The following SLC30A8 variants were observed in gnomAD, a reference collection of about 807,000 sequenced individuals.
The protein encoded by SLC30A8 is proton-coupled zinc antiporter SLC30A8.
In SLC30A8, 27 loss-of-function variants were observed where a neutral mutation model predicts 36.9. The ratio of observed to expected loss-of-function variants is 0.73; its 90% CI spans 0.54 to 1.01. The LOEUF is 1.01. Ranked by LOEUF, SLC30A8 falls within the 50% of genes least tolerant of loss-of-function variation. The probability of loss-of-function intolerance (pLI) is 0.00; values close to 1 mark genes in which losing one functional copy is unlikely to be tolerated. For synonymous variants in SLC30A8, 164 were observed against 172.4 expected (o/e 0.95, Z 0.38); for missense variants, 439 against 452.0 (o/e 0.97, Z 0.26).
At chr8:116,956,709 A>G (rs577211746) in intron 1 of SLC30A8, among the ~76,000 whole-genome samples, 1 of 152,350 alleles carries the variant, frequency 6.6e-6, no homozygotes, top group Admixed American at 6.5e-5. Context: ...TTTTAAATCA[A>G]TGAAATGCCA....
At chr8:117,099,151 GC>G (rs1367637837) in intron 2 of SLC30A8, among the ~76,000 whole-genome samples, 1 of 152,128 alleles carries the variant, frequency 6.6e-6, no homozygotes, top group Non-Finnish European at 1.5e-5. Flanking sequence ...GCTGTGGAAT[GC>G]CTACAGCCAA....
Position 117,172,751 on chromosome 8 carries a change from T to TAG in SLC30A8, c.*70_*71insAG. 1 of 1,551,416 alleles carries TAG rather than the reference T, an allele frequency of 6.4e-7. No homozygotes were observed. Among genetic ancestry groups the TAG allele is most frequent in the Non-Finnish European group, 8.8e-7 (1 of 1,134,434 alleles). ...AACATGCTGCTATGCAGTTTCTGCA[T>TAG]CATAGAAAATAAGGAACCAAAGGAA... On this transcript the variant is annotated 3_prime_UTR_variant, in exon 8 of 8. Transcript: ENST00000456015.
At chr8:116,995,757 G>T (rs1226955127) in intron 1 of SLC30A8, among the ~76,000 whole-genome samples, 1 of 152,074 alleles carries the variant, frequency 6.6e-6, no homozygotes, top group Non-Finnish European at 1.5e-5. Context: ...CCAGGCTGGT[G>T]GGAGCAGGGG....
chr8:117,150,629 G>A (rs1006581421), intron 2 of SLC30A8, among the ~76,000 whole-genome samples: 3 of 151,682 alleles, frequency 2.0e-5, no homozygotes, highest in Admixed American at 1.3e-4. Context: ...TTTTTGAGAC[G>A]GGGTCTCGTT....
intron 1 of SLC30A8, among the ~76,000 whole-genome samples, chr8:117,018,708 C>T (rs1816608392): frequency 7.2e-6 from 1 of 138,760 alleles, no homozygotes; most frequent in South Asian, 2.7e-4. Context: ...GTTCTGTTGC[C>T]CAGGCTGGAG....
Position 117,146,168 on chromosome 8 carries a change from A to C in SLC30A8, c.72-786A>C, listed in dbSNP as rs1821886769. 2.0e-5 allele frequency among the ~76,000 whole-genome samples: 3 copies of C among 152,210 alleles called. 1 individual carries two copies. Among genetic ancestry groups the C allele is most frequent in the Admixed American group, 2.0e-4 (3 of 15,276 alleles). On this transcript the variant is annotated intron_variant, in intron 1 of 7. Transcript: ENST00000456015. The stretch of plus-strand genomic sequence containing the variant: ...GAGAGAAATATTTAAGGTGATGGAC[A>C]TCTCAAGTTTACTGATTTGATCTTT...
chr8:117,032,676 G>A (rs993068888), intron 1 of SLC30A8, among the ~76,000 whole-genome samples: 45 of 152,280 alleles, frequency 3.0e-4, no homozygotes, highest in Admixed American at 1.3e-3. Context: ...GATAACCTGA[G>A]GTCAGGAGTT....
Position 117,039,486 on chromosome 8 carries a change from C to T in SLC30A8, c.-226+228C>T, listed in dbSNP as rs1032763610. ...TTTTTCTGCTACACATTCTATGCAG[C>T]TCAAATCCCATTCTACTCATGAATC... On this transcript the variant is annotated intron_variant, in intron 2 of 10. Transcript: ENST00000427715. 2.6e-5 allele frequency among the ~76,000 whole-genome samples: 4 copies of T among 152,314 alleles called. No homozygotes were observed. The East Asian group carries it at 7.7e-4, about 29-fold the overall frequency.
At chr8:116,973,697 T>A (rs571714916) in intron 1 of SLC30A8, among the ~76,000 whole-genome samples, 54 of 152,272 alleles carry the variant, frequency 3.5e-4, no homozygotes, top group African/African-American at 1.3e-3. Context: ...ACTTTAAAGT[T>A]CATATGGAAC....
intron 2 of SLC30A8, among the ~76,000 whole-genome samples, chr8:117,053,593 C>G (rs1023369690): frequency 9.8e-5 from 15 of 152,292 alleles, no homozygotes; most frequent in African/African-American, 3.6e-4. Flanking sequence ...ATTAGCCCCA[C>G]TGAAGAAATG....
chr8:117,148,689 C>G (rs1271624346), intron 2 of SLC30A8, among the ~76,000 whole-genome samples: 1 of 152,044 alleles, frequency 6.6e-6, no homozygotes, highest in Admixed American at 6.5e-5. Flanking sequence ...TCCGTTTATC[C>G]AAATATTCTA....
At chr8:117,132,573 T>G (rs1422571961), upstream of SLC30A8, among the ~76,000 whole-genome samples, 1 of 151,998 alleles carries the variant, frequency 6.6e-6, no homozygotes, top group Non-Finnish European at 1.5e-5. Context: ...AAAACCAATG[T>G]CTACAGGGGA....
At chr8:116,987,545 A>G (rs557653287) in intron 1 of SLC30A8, among the ~76,000 whole-genome samples, 1 of 152,114 alleles carries the variant, frequency 6.6e-6, no homozygotes, top group South Asian at 2.1e-4. Flanking sequence ...TTCTTCTTTC[A>G]AGTCTTGAAT....
At chr8:117,148,981 C>T (rs1042793387) in intron 2 of SLC30A8, among the ~76,000 whole-genome samples, 9 of 152,024 alleles carry the variant, frequency 5.9e-5, no homozygotes. Flanking sequence ...TTCCTCATCC[C>T]AGGACATCAC....
At chr8:117,031,707 G>A (rs776516737) in intron 1 of SLC30A8, among the ~76,000 whole-genome samples, 7 of 151,964 alleles carry the variant, frequency 4.6e-5, no homozygotes, top group Admixed American at 6.6e-5. Context: ...CAGGTGAGCC[G>A]CCCACCTCGG....
intron 1 of SLC30A8, among the ~76,000 whole-genome samples, chr8:116,969,279 G>A (rs1378336549): frequency 2.6e-5 from 4 of 152,072 alleles, no homozygotes; most frequent in Non-Finnish European, 4.4e-5. Flanking sequence ...TTAGCTGGGC[G>A]TAATGGTACA....
At chr8:117,047,488 C>T (rs1312095430) in intron 2 of SLC30A8, among the ~76,000 whole-genome samples, 7 of 152,052 alleles carry the variant, frequency 4.6e-5, no homozygotes, top group African/African-American at 1.7e-4. Context: ...GCTGATAACT[C>T]CTCTGAGGAT....
intron 2 of SLC30A8, among the ~76,000 whole-genome samples, chr8:117,095,491 T>C (rs1563592449): frequency 6.6e-6 from 1 of 151,992 alleles, no homozygotes; most frequent in African/African-American, 2.4e-5. Flanking sequence ...ATTGCCAAAA[T>C]GTTCTTTTTT....
intron 1 of SLC30A8, among the ~76,000 whole-genome samples, chr8:117,136,133 T>C (rs973319482): frequency 6.6e-6 from 1 of 152,000 alleles, no homozygotes; most frequent in African/African-American, 2.4e-5. Flanking sequence ...TAAGAATAAC[T>C]GGACTTTGGA....
Sources: allele counts gnomAD v4.1 joint callset (sites outside exome capture counted in the v4.1 genomes callset), GRCh38; gene constraint gnomAD v4.1.1; transcripts MANE v1.5; gene names NCBI Gene and HGNC (gene_info 2026-07-23, HGNC 2026-07-21).